Variants in TTN observed in about 807,000 individuals in gnomAD.
TTN encodes titin.
In TTN, 1,525 loss-of-function variants were observed where a neutral mutation model predicts 3,223.0. The observed-to-expected ratio is 0.47, with a 90% CI of 0.45 to 0.49. The LOEUF is 0.49. Ranked by LOEUF, TTN falls within the 20% of genes least tolerant of loss-of-function variation. TTN has a pLI of 0.00. For missense variants in TTN, 40,786 were observed against 43,424.0 expected (o/e 0.94, Z 5.40); for synonymous variants, 14,094 against 15,161.0 (o/e 0.93, Z 5.17).
At position 178,739,898 on chromosome 2, in the gene TTN, A is replaced by T. The variant is rs1397254383; in HGVS notation, c.13335T>A (p.Val4445=). The T allele has an allele frequency of 6.2e-7, 1 of 1,613,810 alleles. No homozygotes were observed. The highest frequency in any genetic ancestry group is 8.5e-7 in the Non-Finnish European group (1 of 1,179,848). ...CTTCTGTTACAGACTTTGCCGAAGT[A>T]ACAAGGTACATGCACATGATGTGTC... is the stretch of plus-strand genomic sequence containing the variant. ...EPRHIMCMYL[V]TSAKSVTEEV... The change falls in exon 48 of 363, where the codon GTT becomes GTA. Residue 4445 remains valine, a synonymous_variant. Transcript: ENST00000589042.
At chr2:178,749,548 T>C (rs1434171780) in intron 47 of TTN, 2 of 1,612,986 alleles carry the variant, frequency 1.2e-6, no homozygotes, top group African/African-American at 1.3e-5. Context: ...CATAAAAATG[T>C]GCCCTTACAG....
At position 178,593,764 on chromosome 2, in the gene TTN, G is replaced by A. The variant is rs1046643521; in HGVS notation, c.58536C>T (p.Ile19512=). The A allele has an allele frequency of 1.2e-6, 2 of 1,613,160 alleles. No individual in the cohort carries two copies. The highest frequency in any genetic ancestry group is 1.3e-5 in the African/African-American group (1 of 74,978). Residue 19512 remains isoleucine (I), a synonymous_variant, in exon 298 of 363, where the codon ATC becomes ATT. Coordinates refer to ENST00000589042, the MANE Select transcript of TTN (RefSeq NM_001267550.2). Reference sequence around the variant, plus strand: ...CCTTCTTCTCAATAATATAATTGGTGATTTTACTGCCTCCATCATCTAAAG... The same window carrying A: ...CCTTCTTCTCAATAATATAATTGGTAATTTTACTGCCTCCATCATCTAAAG... ...KPPLDDGGSK[I]TNYIIEKKEV...
rs749820891 is a variant in TTN at position 178,770,041 on chromosome 2, G to T, written c.8641+19C>A. 5 of 1,614,012 alleles carry T rather than the reference G, an allele frequency of 3.1e-6. No homozygotes were observed. Among genetic ancestry groups the T allele is most frequent in the East Asian group, 2.2e-5 (1 of 44,888 alleles). The stretch of plus-strand genomic sequence containing the variant: ...GGGTTCATTAAGGAAAGGGCTGTAG[G>T]GGGCTGCCTGATACTTACTCTCCAC... On this transcript the variant is annotated intron_variant, in intron 36 of 362. Transcript: ENST00000589042.
Position 178,696,046 on chromosome 2 carries a change from A to C in TTN, c.31026T>G (p.Asp10342Glu). 1.3e-6 allele frequency: 2 copies of C among 1,551,034 alleles called. No individual in the cohort carries two copies. The highest frequency in any genetic ancestry group is 2.0e-5 in the Admixed American group (1 of 50,962). ...CTACCTTAATCTCTTCATAGTCTTC[A>C]TCTGGTTCTTCATAATAAGGTTGTT... ...PFEQPYYEEPDEDYEEIKVEA... is the reference protein window; with the variant it reads ...PFEQPYYEEPEEDYEEIKVEA... Residue 10342 changes from aspartate to glutamate, a missense_variant, in exon 114 of 363, where the codon GAT becomes GAG. Transcript: ENST00000589042.
In TTN at chr2:178,634,680, A is replaced by G. The variant is rs750575353; in HGVS notation, c.42151+43T>C. On this transcript the variant is annotated intron_variant, in intron 229 of 362. Transcript: ENST00000589042. The surrounding 1 kb of genome is among the most constrained non-coding windows in gnomAD (Gnocchi z 4.6). Reference sequence around the variant, plus strand: ...GCTTTTCAGAATGCACAGGGAAGTGAAATAAAGTTGAGACCCCTCCCCAAA... The same window carrying G: ...GCTTTTCAGAATGCACAGGGAAGTGGAATAAAGTTGAGACCCCTCCCCAAA... 2.5e-6 allele frequency: 4 copies of G among 1,611,654 alleles called. No homozygotes were observed. Among genetic ancestry groups the G allele is most frequent in the Middle Eastern group, 1.6e-4 (1 of 6,068 alleles).
chr2:178,667,825 A>T, intron 159 of TTN, 104 bp from the exon 160 acceptor site: 1 of 795,382 alleles, frequency 1.3e-6, no homozygotes, highest in Non-Finnish European at 1.9e-6. Context: ...ACCAAAATTA[A>T]TAGTAGCACA....
rs1277414195 is a variant in TTN at position 178,620,645 on chromosome 2, T to C, written c.45896-20A>G. 1.2e-6 allele frequency: 2 copies of C among 1,600,952 alleles called. No individual in the cohort carries two copies. The highest frequency in any genetic ancestry group is 2.2e-5 in the East Asian group (1 of 44,558). ...CTTCCTCTGTTGTAAAGGAGAAAAA[T>C]ATGTTGATTTTAATTATTTTTATAA... On this transcript the variant is annotated intron_variant, in intron 247 of 362. Coordinates refer to ENST00000589042, the MANE Select transcript of TTN (RefSeq NM_001267550.2).
Position 178,704,532 on chromosome 2 carries a change from A to T in TTN, c.29940T>A (p.Ala9980=). The T allele has an allele frequency of 6.2e-7, 1 of 1,611,418 alleles. No individual in the cohort carries two copies. The highest frequency in any genetic ancestry group is 8.5e-7 in the Non-Finnish European group (1 of 1,178,492). ...TACCAATTACAGTTAGTTTAGCGCTAGCGATGTGTGGACCACAAACCAATC... is the reference window on the plus strand; with the variant it reads ...TACCAATTACAGTTAGTTTAGCGCTTGCGATGTGTGGACCACAAACCAATC... The part of the protein sequence containing the change: ...NYRLVCGPHI[A]SAKLTVIEPA... The change falls in exon 105 of 363, where the codon GCT becomes GCA. Residue 9980 remains alanine (A), a synonymous_variant. Coordinates refer to ENST00000589042, the MANE Select transcript of TTN (RefSeq NM_001267550.2).
At chr2:178,665,920 T>C in intron 163 of TTN, 129 bp from the exon 164 acceptor site, 1 of 419,464 alleles carries the variant, frequency 2.4e-6, no homozygotes, top group East Asian at 3.6e-5. Context: ...ATCGGATCTT[T>C]TGTAGCAGTG....
rs755726554 is a variant in TTN at position 178,531,803 on chromosome 2, G to A, written c.104812C>T (p.Leu34938=). ...AGTGTGATTCGAGGGGCATGGTCCA[G>A]TGTGAAAGGCTGCTGACTCAAAACT... ...YEVLSQQPFT[L]DHAPRITLRM... The change falls in exon 358 of 363, where the codon CTG becomes TTG. Residue 34938 remains leucine (L), a synonymous_variant. Transcript: ENST00000589042. 1.1e-5 allele frequency: 18 copies of A among 1,613,880 alleles called. No homozygotes were observed. The highest frequency in any genetic ancestry group is 1.4e-5 in the Non-Finnish European group (17 of 1,179,878).
rs1168744166 is a variant in TTN at position 178,714,330 on chromosome 2, G to A, written c.26444C>T (p.Ala8815Val). The change falls in exon 91 of 363, where the codon GCT (alanine) becomes GTT (valine). Residue 8815 changes from alanine to valine, a missense_variant. By Grantham distance (64) the Ala-to-Val change is moderately conservative. Coordinates refer to ENST00000589042, the MANE Select transcript of TTN (RefSeq NM_001267550.2). The part of the protein sequence containing the change: ...GKYTCQIKND[A>V]GMQECFATLS... ...CGTGGCGAAGCACTCTTGCATCCCAGCATCGTTTTTGATCTGACAAGTGTA... is the reference window on the plus strand; with the variant it reads ...CGTGGCGAAGCACTCTTGCATCCCAACATCGTTTTTGATCTGACAAGTGTA... 2 of 1,613,578 alleles carry A rather than the reference G, an allele frequency of 1.2e-6. No homozygotes were observed. The highest frequency in any genetic ancestry group is 2.2e-5 in the South Asian group (2 of 91,072).
chr2:178,530,381 CT>C lies in TTN; in HGVS notation c.106233del (p.Ala35412LeufsTer10). On this transcript the variant is annotated frameshift_variant, in exon 358 of 363. Transcript: ENST00000589042. LOFTEE classifies it high-confidence loss of function. Reference protein sequence around the residue: ...ESTVTRKTEPKAPEPISSKPV... With the variant: ...ESTVTRKTEPXAPEPISSKPV... ...GGTTTTGAGGAAATTGGTTCAGGAG[CT>C]TTTGGTTCAGTTTTTCTGGTTACTG... The C allele has an allele frequency of 6.2e-7, 1 of 1,613,886 alleles. No individual in the cohort carries two copies. The highest frequency in any genetic ancestry group is 8.5e-7 in the Non-Finnish European group (1 of 1,179,872).
Position 178,594,194 on chromosome 2 carries a change from A to C in TTN, c.58199T>G (p.Val19400Gly), listed in dbSNP as rs774737543. 7 of 1,613,256 alleles carry C rather than the reference A, an allele frequency of 4.3e-6. No homozygotes were observed. The highest frequency in any genetic ancestry group is 5.1e-6 in the Non-Finnish European group (6 of 1,179,586). Residue 19400 changes from valine to glycine, a missense_variant, in exon 297 of 363, where the codon GTT (valine) becomes GGT (glycine). Coordinates refer to ENST00000589042, the MANE Select transcript of TTN (RefSeq NM_001267550.2). ...LDFRDKLTIRVGEAFALTGRY... is the reference protein window; with the variant it reads ...LDFRDKLTIRGGEAFALTGRY... ...GCCAGTGAGGGCAAAAGCTTCACCA[A>C]CTCGAATCGTGAGCTTATCTCTGAA... is the stretch of plus-strand genomic sequence containing the variant.
At chr2:178,714,925 G>A (rs1439230655) in intron 90 of TTN, 61 bp downstream of exon 90, 22 of 1,548,486 alleles carry the variant, frequency 1.4e-5, no homozygotes, top group Non-Finnish European at 1.8e-5. Flanking sequence ...GGTGGAGGGG[G>A]CAACAGAGTA....
rs553988103 is a variant in TTN at position 178,580,601 on chromosome 2, C to G, written c.66778G>C (p.Glu22260Gln). 8.1e-6 allele frequency: 13 copies of G among 1,605,658 alleles called. No individual in the cohort carries two copies. The Admixed American group carries it at 1.9e-4, about 23-fold the overall frequency. Residue 22260 changes from glutamate to glutamine, a missense_variant, in exon 317 of 363, where the codon GAG (glutamate) becomes CAG (glutamine). Glu to Gln is a conservative substitution (Grantham distance 29, BLOSUM62 2). Coordinates refer to ENST00000589042, the MANE Select transcript of TTN (RefSeq NM_001267550.2). ...CTTAAGTCCGCATCAAGTTCTCCCT[C>G]AGGTGGAACTGTTTAATTTTGGGTG... ...HYPKDILIPP[E>Q]GELDADLRKT...
chr2:178,737,093 A>C (rs1456096358), intron 49 of TTN, among the ~76,000 whole-genome samples: 3 of 152,022 alleles, frequency 2.0e-5, no homozygotes, highest in Non-Finnish European at 4.4e-5. Context: ...GAAAGAAAAG[A>C]AAGAAAGAAA....
In TTN at chr2:178,593,620, A is replaced by G. The variant is rs763807155; in HGVS notation, c.58680T>C (p.Tyr19560=). Residue 19560 remains tyrosine, a synonymous_variant, in exon 298 of 363, where the codon TAT becomes TAC. Coordinates refer to ENST00000589042, the MANE Select transcript of TTN (RefSeq NM_001267550.2). ...CAGACACCAGAGGATCACTTATTCC[A>G]TACAGATTTTCAGCATGTATCCGGA... is the stretch of plus-strand genomic sequence containing the variant. The part of the protein sequence containing the change: ...YIFRIHAENL[Y]GISDPLVSDS... The G allele has an allele frequency of 6.2e-7, 1 of 1,612,972 alleles. No individual in the cohort carries two copies. Among genetic ancestry groups the G allele is most frequent in the Non-Finnish European group, 8.5e-7 (1 of 1,179,518 alleles).
chr2:178,652,554 T>C lies in TTN; in HGVS notation c.39044-13A>G. On this transcript the variant is annotated splice_polypyrimidine_tract_variant and intron_variant, in intron 201 of 362. Transcript: ENST00000589042. ...GGAGCCTCTGGCACTTAAAAGATAT[T>C]AGTGAAATTACATTTAGAAGTTATG... The C allele has an allele frequency of 6.2e-7, 1 of 1,612,844 alleles. No individual in the cohort carries two copies. The highest frequency in any genetic ancestry group is 8.5e-7 in the Non-Finnish European group (1 of 1,179,450).
In TTN at chr2:178,645,928, TG is replaced by T; in HGVS notation, c.40399del (p.Gln13467AsnfsTer25). The T allele has an allele frequency of 6.4e-7, 1 of 1,573,308 alleles. No individual in the cohort carries two copies. The highest frequency in any genetic ancestry group is 1.2e-5 in the South Asian group (1 of 83,060). On this transcript the variant is annotated frameshift_variant, in exon 217 of 363. Coordinates refer to ENST00000589042, the MANE Select transcript of TTN (RefSeq NM_001267550.2). LOFTEE classifies it high-confidence loss of function. The stretch of plus-strand genomic sequence containing the variant: ...GAAGTGGCATTTTTTACCTTTAAGT[TG>T]GAATATTTTCTCCTTCACATCTTCC... ...PKEDVKEKIF[Q>X]LKAIPKKKVP...
Sources: gnomAD v4.1 joint callset for allele counts (sites outside exome capture counted in the v4.1 genomes callset) on GRCh38, gnomAD v4.1.1 for gene constraint, Gnocchi (gnomAD v3.1) non-coding constraint, MANE v1.5 for transcripts, NCBI Gene and HGNC (gene_info 2026-07-23, HGNC 2026-07-21) for gene names.